LTBP1: variants seen among roughly 807,000 people sequenced by gnomAD.
The protein encoded by LTBP1 is latent-transforming growth factor beta-binding protein 1.
Under a neutral mutation model 207.6 loss-of-function variants are expected in LTBP1, and 129 were observed. The ratio of observed to expected loss-of-function variants is 0.62; its 90% CI spans 0.54 to 0.72. The LOEUF is 0.72. Among genes scored for constraint, LTBP1 ranks in the 30% least tolerant of loss-of-function variants. LTBP1 has a pLI of 0.00. For missense variants in LTBP1, 2,281 were observed against 2,217.2 expected (o/e 1.03, Z -0.58); for synonymous variants, 963 against 833.7 (o/e 1.16, Z -2.67).
intron 5 of LTBP1, among the ~76,000 whole-genome samples, chr2:33,175,410 T>C (rs559887575): frequency 3.2e-4 from 49 of 152,006 alleles, no homozygotes; most frequent in African/African-American, 9.4e-4. Context: ...AAAATGCTCA[T>C]CATCACTGGC....
At chr2:33,396,375 C>T (rs1001292442) in intron 32 of LTBP1, among the ~76,000 whole-genome samples, 58 of 152,198 alleles carry the variant, frequency 3.8e-4, no homozygotes, top group African/African-American at 1.4e-3. Context: ...TGTCCACCAC[C>T]ACGCCCGGCT....
At chr2:33,003,464 C>G (rs1002004886) in intron 2 of LTBP1, among the ~76,000 whole-genome samples, 3 of 152,296 alleles carry the variant, frequency 2.0e-5, no homozygotes, top group Non-Finnish European at 4.4e-5. Context: ...ACCTGTAAAC[C>G]TATGCATTCC....
At chr2:33,364,701 G>C (rs1436752525) in intron 30 of LTBP1, among the ~76,000 whole-genome samples, 1 of 152,190 alleles carries the variant, frequency 6.6e-6, no homozygotes, top group Admixed American at 6.5e-5. Context: ...GCAGAGTGGA[G>C]GATGTGGATA....
intron 15 of LTBP1, among the ~76,000 whole-genome samples, chr2:33,265,676 A>G (rs1462160454): frequency 3.3e-5 from 5 of 152,166 alleles, no homozygotes; most frequent in Non-Finnish European, 7.3e-5. Flanking sequence ...GAGAAAATAC[A>G]CTAGATATTA....
chr2:33,116,585 C>G (rs1250805062), intron 4 of LTBP1, among the ~76,000 whole-genome samples: 1 of 149,874 alleles, frequency 6.7e-6, no homozygotes, highest in African/African-American at 2.5e-5. Flanking sequence ...AAAGTAAGGA[C>G]AAGCCCACTG....
intron 24 of LTBP1, among the ~76,000 whole-genome samples, chr2:33,317,003 C>T (rs567769517): frequency 6.6e-6 from 1 of 152,194 alleles, no homozygotes; most frequent in African/African-American, 2.4e-5. Flanking sequence ...CAAGTGCTCC[C>T]TAGTCAAAGC....
At chr2:33,128,132 A>G (rs954972270) in intron 4 of LTBP1, among the ~76,000 whole-genome samples, 8 of 152,206 alleles carry the variant, frequency 5.3e-5, no homozygotes, top group Non-Finnish European at 1.2e-4. Context: ...TCCTTGGTAA[A>G]CAAATAGCCC....
At chr2:33,042,232 A>G (rs2076224648) in intron 3 of LTBP1, among the ~76,000 whole-genome samples, 1 of 152,204 alleles carries the variant, frequency 6.6e-6, no homozygotes, top group South Asian at 2.1e-4. Flanking sequence ...CTAACTTTTA[A>G]CAGAACTTTC....
At chr2:33,371,789 G>C (rs910746104) in intron 31 of LTBP1, among the ~76,000 whole-genome samples, 14 of 152,178 alleles carry the variant, frequency 9.2e-5, no homozygotes, top group Admixed American at 2.0e-4. Flanking sequence ...TGCCTTATCT[G>C]GTTTCAGTTA....
intron 2 of LTBP1, among the ~76,000 whole-genome samples, chr2:33,013,244 A>G (rs1687912787): frequency 6.6e-6 from 1 of 152,098 alleles, no homozygotes; most frequent in Non-Finnish European, 1.5e-5. Context: ...TAGTACTAAT[A>G]TTTATATTTT....
At chr2:33,199,627 C>A (rs930524138) in intron 7 of LTBP1, among the ~76,000 whole-genome samples, 3 of 151,994 alleles carry the variant, frequency 2.0e-5, no homozygotes, top group Non-Finnish European at 2.9e-5. Context: ...CTGGCCAGGG[C>A]AATTAGGCAG....
intron 31 of LTBP1, among the ~76,000 whole-genome samples, chr2:33,372,059 T>G (rs1260380197): frequency 6.6e-6 from 1 of 152,192 alleles, no homozygotes; most frequent in Non-Finnish European, 1.5e-5. Flanking sequence ...AGGCATCCAC[T>G]GGGGGTCTTG....
At chr2:33,234,668 A>G (rs761332739) in intron 9 of LTBP1, among the ~76,000 whole-genome samples, 3 of 152,206 alleles carry the variant, frequency 2.0e-5, no homozygotes, top group Non-Finnish European at 2.9e-5. Context: ...TATAGATTCA[A>G]TGCTATCCCC....
At chr2:33,056,714 C>G (rs184073595) in intron 3 of LTBP1, among the ~76,000 whole-genome samples, 1 of 151,868 alleles carries the variant, frequency 6.6e-6, no homozygotes, top group Non-Finnish European at 1.5e-5. Context: ...TGCAGACCTT[C>G]GTGGTGAGTG....
intron 2 of LTBP1, among the ~76,000 whole-genome samples, chr2:33,010,557 G>A (rs1387399581): frequency 6.6e-6 from 1 of 151,998 alleles, no homozygotes; most frequent in Non-Finnish European, 1.5e-5. Context: ...ATAAATATTC[G>A]GGGTGATGGA....
chr2:33,026,566 T>C (rs766553188), intron 3 of LTBP1, among the ~76,000 whole-genome samples: 5 of 152,198 alleles, frequency 3.3e-5, no homozygotes, highest in Non-Finnish European at 7.4e-5. Context: ...TTCCATTCCT[T>C]ATGGTATGTG....
intron 33 of LTBP1, among the ~76,000 whole-genome samples, chr2:33,397,528 A>ATT (rs2095370134): frequency 3.0e-5 from 1 of 33,072 alleles, no homozygotes. Context: ...TTTTTTTGAG[A>ATT]TGGAGTTTTA....
At chr2:33,296,649 G>A (rs1337765667) in intron 20 of LTBP1, among the ~76,000 whole-genome samples, 1 of 152,050 alleles carries the variant, frequency 6.6e-6, no homozygotes, top group Admixed American at 6.6e-5. Context: ...GGGAAAGATT[G>A]GTTGGGGAGA....
chr2:33,223,242 T>TA (rs2091235544), intron 9 of LTBP1, among the ~76,000 whole-genome samples: 1 of 152,254 alleles, frequency 6.6e-6, no homozygotes, highest in South Asian at 2.1e-4. Context: ...CTTGATTTTT[T>TA]ATCTGAGAAT....
Sources: allele counts gnomAD v4.1 joint callset (sites outside exome capture counted in the v4.1 genomes callset), GRCh38; gene constraint gnomAD v4.1.1; transcripts MANE v1.5; gene names NCBI Gene and HGNC (gene_info 2026-07-23, HGNC 2026-07-21).